The following SYT1 variants were observed in gnomAD, a reference collection of about 807,000 sequenced individuals.
SYT1 encodes synaptotagmin 1.
In SYT1, 8 loss-of-function variants were observed where a neutral mutation model predicts 44.8. That is an observed-to-expected ratio of 0.18 (90% confidence interval 0.10 to 0.32). SYT1 has a LOEUF of 0.32. Ranked by LOEUF, SYT1 falls within the 10% of genes least tolerant of loss-of-function variation. SYT1 has a pLI of 1.00. For synonymous variants in SYT1, 154 were observed against 188.8 expected, an observed-to-expected ratio of 0.82 and a Z score of 1.51; for missense variants, 286 against 509.3, an observed-to-expected ratio of 0.56 and a Z score of 4.22.
At chr12:79,210,477 A>G (rs1414524251) in intron 3 of SYT1, among the ~76,000 whole-genome samples, 3 of 152,174 alleles carry the variant, frequency 2.0e-5, no homozygotes, top group East Asian at 1.9e-4. Flanking sequence ...TAGCTCCCAC[A>G]TATCAGTGAG....
At chr12:79,140,138 T>C (rs1176832794) in intron 3 of SYT1, among the ~76,000 whole-genome samples, 5 of 152,228 alleles carry the variant, frequency 3.3e-5, no homozygotes, top group African/African-American at 9.6e-5. Flanking sequence ...GTTGAAAATA[T>C]AGCCAAGTTC....
intron 9 of SYT1, among the ~76,000 whole-genome samples, chr12:79,354,879 C>G (rs1208093907): frequency 6.6e-6 from 1 of 152,166 alleles, no homozygotes; most frequent in Non-Finnish European, 1.5e-5. Context: ...TCCTTTGGTT[C>G]AACAGCCAAC....
intron 9 of SYT1, among the ~76,000 whole-genome samples, chr12:79,358,883 T>G (rs930302898): frequency 4.6e-5 from 7 of 152,190 alleles, no homozygotes; most frequent in African/African-American, 1.7e-4. Flanking sequence ...CTGTAAACCC[T>G]TAAGGATACT....
At chr12:79,310,332 T>C (rs1294539576) in intron 8 of SYT1, among the ~76,000 whole-genome samples, 1 of 152,240 alleles carries the variant, frequency 6.6e-6, no homozygotes, top group Middle Eastern at 3.4e-3. Flanking sequence ...GTTGTAGATA[T>C]GTGGCGTTAT....
intron 5 of SYT1, among the ~76,000 whole-genome samples, chr12:79,287,499 G>C (rs868724474): frequency 3.9e-5 from 6 of 152,056 alleles, no homozygotes; most frequent in Non-Finnish European, 7.4e-5. Context: ...CTCCTAGATG[G>C]ACATGGACTG....
intron 1 of SYT1, among the ~76,000 whole-genome samples, chr12:78,962,687 C>T (rs913387245): frequency 6.6e-6 from 1 of 151,964 alleles, no homozygotes; most frequent in Non-Finnish European, 1.5e-5. Flanking sequence ...TAATGTGGCT[C>T]ATAGGTACAA....
At chr12:78,868,764 A>G (rs901255873) in intron 1 of SYT1, 1 of 151,850 alleles carries the variant, frequency 6.6e-6, no homozygotes, top group Non-Finnish European at 1.5e-5. Flanking sequence ...TTTGGTTGAA[A>G]GTCTGGGAAT....
intron 7 of SYT1, among the ~76,000 whole-genome samples, chr12:79,297,588 T>C (rs1010994645): frequency 1.3e-5 from 2 of 152,138 alleles, no homozygotes; most frequent in Non-Finnish European, 2.9e-5. Flanking sequence ...TAAAACCAAG[T>C]ATAATTATTG....
chr12:79,014,318 A>G (rs2137588528), intron 2 of SYT1, among the ~76,000 whole-genome samples: 1 of 152,208 alleles, frequency 6.6e-6, no homozygotes, highest in East Asian at 1.9e-4. Context: ...AGTCTTTTCA[A>G]ATACTTTATA....
chr12:78,957,968 A>C (rs1879296645), intron 1 of SYT1, among the ~76,000 whole-genome samples: 1 of 152,170 alleles, frequency 6.6e-6, no homozygotes, highest in Admixed American at 6.5e-5. Flanking sequence ...AATAACTAAA[A>C]AACTTTAATT....
At chr12:79,401,224 C>G (rs1023908408) in intron 9 of SYT1, among the ~76,000 whole-genome samples, 1 of 151,980 alleles carries the variant, frequency 6.6e-6, no homozygotes, top group African/African-American at 2.4e-5. Flanking sequence ...TCAAACATAC[C>G]GAATATCAAG....
intron 3 of SYT1, among the ~76,000 whole-genome samples, chr12:79,056,537 A>G (rs553205685): frequency 1.3e-5 from 2 of 152,152 alleles, no homozygotes; most frequent in South Asian, 2.1e-4. Context: ...AATGCTTTCT[A>G]TCTTATCATG....
chr12:79,213,506 A>T (rs929841464), intron 3 of SYT1, among the ~76,000 whole-genome samples: 9 of 152,240 alleles, frequency 5.9e-5, no homozygotes, highest in Non-Finnish European at 1.3e-4. Flanking sequence ...AATAATATGA[A>T]ATATTATATG....
At chr12:79,209,474 A>G (rs1874314443) in intron 3 of SYT1, among the ~76,000 whole-genome samples, 1 of 152,194 alleles carries the variant, frequency 6.6e-6, no homozygotes, top group African/African-American at 2.4e-5. Flanking sequence ...TGCTTGCTGA[A>G]CTGATATGCC....
chr12:79,275,844 T>C (rs1306777970), intron 4 of SYT1, among the ~76,000 whole-genome samples: 1 of 152,042 alleles, frequency 6.6e-6, no homozygotes, highest in African/African-American at 2.4e-5. Context: ...GGGAATGAGG[T>C]AAGCTTCATG....
intron 2 of SYT1, among the ~76,000 whole-genome samples, chr12:79,040,091 A>G (rs1873438780): frequency 1.3e-5 from 2 of 152,130 alleles, no homozygotes. Flanking sequence ...ATACGGGTGC[A>G]TGTGTCTTTA....
chr12:79,331,420 A>G (rs901568499), intron 8 of SYT1, among the ~76,000 whole-genome samples: 3 of 152,176 alleles, frequency 2.0e-5, no homozygotes, highest in South Asian at 4.1e-4. Context: ...ACAATTGTGC[A>G]TATACTCTTT....
intron 4 of SYT1, among the ~76,000 whole-genome samples, chr12:79,230,456 T>A (rs1287084065): frequency 6.6e-6 from 1 of 152,162 alleles, no homozygotes; most frequent in Non-Finnish European, 1.5e-5. Flanking sequence ...ATTTTATTAA[T>A]TTTAAAATTA....
intron 4 of SYT1, among the ~76,000 whole-genome samples, chr12:79,222,384 T>TTTCTTTC (rs1171930847): frequency 1.3e-5 from 2 of 151,570 alleles, no homozygotes; most frequent in East Asian, 3.9e-4. Context: ...TTACTTTTTT[T>TTTCTTTC]TTCTTTTTTC....
Sources: gnomAD v4.1 joint callset for allele counts (sites outside exome capture counted in the v4.1 genomes callset) on GRCh38, gnomAD v4.1.1 for gene constraint, MANE v1.5 for transcripts, NCBI Gene and HGNC (gene_info 2026-07-23, HGNC 2026-07-21) for gene names.